Variants in RAB11FIP1 observed in about 807,000 individuals in gnomAD.
The protein encoded by RAB11FIP1 is rab11 family-interacting protein 1.
RAB11FIP1 carries 49 observed loss-of-function variants against 83.1 expected under a neutral mutation model. The ratio of observed to expected loss-of-function variants is 0.59; its 90% confidence interval spans 0.47 to 0.75. The LOEUF (loss-of-function observed/expected upper bound fraction) is 0.75. RAB11FIP1 is among the 30% of genes least tolerant of loss of function. The pLI, the probability that RAB11FIP1 is intolerant of heterozygous loss-of-function variation, is 0.00. For missense variants in RAB11FIP1, 1,536 were observed against 1,598.7 expected (o/e 0.96, Z 0.67); for synonymous variants, 670 against 656.0 (o/e 1.02, Z -0.33).
intron 1 of RAB11FIP1, among the ~76,000 whole-genome samples, chr8:37,884,249 G>C (rs1806781664): frequency 1.3e-5 from 2 of 151,996 alleles, no homozygotes; most frequent in Admixed American, 6.6e-5. Context: ...ATTTTTACTA[G>C]AGACAGGGTT....
Position 37,872,091 on chromosome 8 carries a change from G to A in RAB11FIP1, c.2711C>T (p.Ser904Leu). Residue 904 changes from serine (S) to leucine (L), a missense_variant, in exon 4 of 6, where the codon TCA becomes TTA. Ser to Leu is a moderately radical substitution (Grantham distance 145). Coordinates refer to ENST00000330843, the MANE Select transcript of RAB11FIP1 (RefSeq NM_001002814.3). ...CCTAAAGAGTGGAGTGTCTTTCGCT[G>A]AGCTTGCTTCACTCATGGGGACTTC... ...FSEVPMSEAS[S>L]AKDTPLFRME... is the part of the protein sequence containing the mutation. The A allele has an allele frequency of 1.2e-6, 2 of 1,614,096 alleles. No homozygotes were observed. Among genetic ancestry groups the A allele is most frequent in the South Asian group, 2.2e-5 (2 of 91,078 alleles).
chr8:37,883,710 G>A (rs1434057751), intron 1 of RAB11FIP1, among the ~76,000 whole-genome samples: 1 of 152,182 alleles, frequency 6.6e-6, no homozygotes, highest in Admixed American at 6.5e-5. Flanking sequence ...CCTCACAGAA[G>A]TAGCTCATAA....
intron 1 of RAB11FIP1, among the ~76,000 whole-genome samples, chr8:37,881,425 C>A (rs1406708208): frequency 6.6e-6 from 1 of 152,120 alleles, no homozygotes; most frequent in Admixed American, 6.6e-5. Flanking sequence ...AACATTTAAG[C>A]TTCTCATTTA....
intron 2 of RAB11FIP1, among the ~76,000 whole-genome samples, chr8:37,876,439 T>C (rs942505303): frequency 1.3e-5 from 2 of 150,154 alleles, no homozygotes; most frequent in Non-Finnish European, 3.0e-5. Flanking sequence ...AAAAAAAAAA[T>C]TTTTTTTAAT....
At chr8:37,898,423 G>C (rs1295819695) in intron 1 of RAB11FIP1, among the ~76,000 whole-genome samples, 2 of 152,040 alleles carry the variant, frequency 1.3e-5, no homozygotes, top group Admixed American at 6.5e-5. Flanking sequence ...GGGAGGCCGA[G>C]GTGGGTGGAT....
rs111862292 is a variant in RAB11FIP1, at chr8:37,869,690, T to C, written c.3633+730A>G. Among the ~76,000 whole-genome samples the C allele has an allele frequency of 8.4e-3, 1,281 of 152,270 alleles. 20 individuals are homozygous for C. The highest frequency in any genetic ancestry group is 0.029 in the African/African-American group (1,222 of 41,554). ...TTAAAAGGAACATGAGGTACACAAC[T>C]TACTTCCAAATGATTTTTAAAAAAA... On this transcript the variant is annotated intron_variant, in intron 5 of 5. Transcript: ENST00000330843.
chr8:37,899,032 G>A lies in RAB11FIP1; in HGVS notation c.371+39C>T. 2.1e-6 allele frequency: 3 copies of A among 1,424,946 alleles called. No homozygotes were observed. The highest frequency in any genetic ancestry group is 2.7e-6 in the Non-Finnish European group (3 of 1,098,938). 88.3% of individuals were successfully genotyped at this position (1,424,946 alleles called of 1,614,324 possible). On this transcript the variant is annotated intron_variant, in intron 1 of 5. Transcript: ENST00000330843. This position sits in a 1 kb window ranked among gnomAD's most constrained non-coding sequence, Gnocchi z 4.5. ...AGACCGCCCTGCCGGAGGGGTCCGC[G>A]CCCCCAGGCCGGGCCCTCCCCTCCC...
intron 5 of RAB11FIP1, among the ~76,000 whole-genome samples, 196 bp downstream of exon 5, chr8:37,870,224 C>T (rs1039509350): frequency 6.6e-6 from 1 of 151,926 alleles, no homozygotes; most frequent in African/African-American, 2.4e-5. Flanking sequence ...TTAACAATAA[C>T]TAAACAAGTA....
At position 37,870,541 on chromosome 8, in the gene RAB11FIP1, G is replaced by A. The variant is rs370335641; in HGVS notation, c.3525-13C>T. ...CACAGGATGAAGTCTAAAGAGAAGG[G>A]GAAAAGGATCTTTAGACCCTCCGGT... On this transcript the variant is annotated splice_polypyrimidine_tract_variant and intron_variant, in intron 4 of 5. Transcript: ENST00000330843. 1.4e-6 allele frequency: 2 copies of A among 1,432,470 alleles called. No individual in the cohort carries two copies. The highest frequency in any genetic ancestry group is 3.4e-5 in the Admixed American group (2 of 59,156). The allele number at this position is 1,432,470 out of a possible 1,614,324, so 88.7% of individuals were successfully genotyped here. A position where few individuals can be genotyped will look rare whatever the true frequency, so the allele number is the denominator to read the frequency against.
At chr8:37,864,098 C>T (rs538525803) in intron 5 of RAB11FIP1, among the ~76,000 whole-genome samples, 2 of 152,234 alleles carry the variant, frequency 1.3e-5, no homozygotes, top group South Asian at 2.1e-4. Flanking sequence ...GAGAAATATG[C>T]GGAGTCAGAG....
rs753631134 is a variant in RAB11FIP1, at chr8:37,872,040, G to C, written c.2762C>G (p.Thr921Ser). 1 of 1,614,122 alleles carries C rather than the reference G, an allele frequency of 6.2e-7. No individual in the cohort carries two copies. The highest frequency in any genetic ancestry group is 1.1e-5 in the South Asian group (1 of 91,080). The change falls in exon 4 of 6, where the codon ACT becomes AGT. Residue 921 changes from threonine to serine, a missense_variant. Transcript: ENST00000330843. ...GTCACTGGCTTTGCTCTGATACTGAGTCACAAGGGCATCCTCTCCCTCCAT... is the reference window on the plus strand; with the variant it reads ...GTCACTGGCTTTGCTCTGATACTGACTCACAAGGGCATCCTCTCCCTCCAT... Reference protein sequence around the residue: ...FRMEGEDALVTQYQSKASDHE... With the variant: ...FRMEGEDALVSQYQSKASDHE...
At chr8:37,896,309 CA>C (rs200493654) in intron 1 of RAB11FIP1, among the ~76,000 whole-genome samples, 3,005 of 138,004 alleles carry the variant, frequency 0.022, 84 homozygotes, top group East Asian at 0.061. Flanking sequence ...GACGCCATCT[CA>C]AAAAAAAAAA....
chr8:37,880,180 G>A (rs1188928540), intron 1 of RAB11FIP1, among the ~76,000 whole-genome samples: 1 of 152,030 alleles, frequency 6.6e-6, no homozygotes, highest in Non-Finnish European at 1.5e-5. Context: ...GAGCCAGGTT[G>A]GGTACAGTGG....
chr8:37,873,571 A>C (rs1400420604), intron 3 of RAB11FIP1, among the ~76,000 whole-genome samples: 2 of 151,818 alleles, frequency 1.3e-5, no homozygotes, highest in Non-Finnish European at 2.9e-5. Context: ...GTGCCACTGC[A>C]CTCCAGCCTG....
Position 37,884,280 on chromosome 8 carries a change from G to C in RAB11FIP1, c.372-6729C>G, listed in dbSNP as rs186292206. Among the ~76,000 whole-genome samples, 122 of 152,196 alleles carry C rather than the reference G, an allele frequency of 8.0e-4. 1 individual carries two copies. The highest frequency in any genetic ancestry group is 1.3e-3 in the Admixed American group (20 of 15,270). ...GGGTTTCACCATCTTGGCCAGGCTG[G>C]TATCGAACTCCTGACCTCATGATCC... On this transcript the variant is annotated intron_variant, in intron 1 of 5. Transcript: ENST00000330843.
chr8:37,865,508 C>T (rs1285637681), intron 5 of RAB11FIP1, among the ~76,000 whole-genome samples: 1 of 151,740 alleles, frequency 6.6e-6, no homozygotes, highest in Non-Finnish European at 1.5e-5. Flanking sequence ...TTAGTAGAGA[C>T]AGGGTTCCAC....
Position 37,870,438 on chromosome 8 carries a change from G to A in RAB11FIP1, c.3615C>T (p.Asn1205=), listed in dbSNP as rs1322082434. The change falls in exon 5 of 6, where the codon AAC becomes AAT. Residue 1205 remains asparagine, a synonymous_variant. Coordinates refer to ENST00000330843, the MANE Select transcript of RAB11FIP1 (RefSeq NM_001002814.3). ...GACATACCTTCATCATGACCTCATT[G>A]TTCAAGTTCTCACTGATGATGGTGG... ...GTATIISENL[N]NEVMMKKYSP... is the part of the protein sequence containing the mutation. The A allele has an allele frequency of 6.2e-7, 1 of 1,606,316 alleles. No homozygotes were observed. Among genetic ancestry groups the A allele is most frequent in the South Asian group, 1.1e-5 (1 of 90,868 alleles).
At position 37,884,343 on chromosome 8, in the gene RAB11FIP1, G is replaced by A. The variant is rs748122418; in HGVS notation, c.372-6792C>T. ...CTCCCAAAGTGCTGGGAATACAGGC[G>A]TGAGCTACCACACCCGGCCAACATA... On this transcript the variant is annotated intron_variant, in intron 1 of 5. Transcript: ENST00000330843. 2.4e-4 allele frequency among the ~76,000 whole-genome samples: 36 copies of A among 152,026 alleles called. 1 individual carries two copies. The highest frequency in any genetic ancestry group is 4.9e-4 in the Non-Finnish European group (33 of 67,994).
chr8:37,883,158 G>GT (rs375717011), intron 1 of RAB11FIP1, among the ~76,000 whole-genome samples: 1,987 of 141,262 alleles, frequency 0.014, 19 homozygotes, highest in Admixed American at 0.019. Flanking sequence ...GAATTGTTTC[G>GT]TTTTTTTTTT....
Sources: allele counts gnomAD v4.1 joint callset (sites outside exome capture counted in the v4.1 genomes callset), GRCh38; gene constraint gnomAD v4.1.1; non-coding constraint Gnocchi (gnomAD v3.1); transcripts MANE v1.5; gene names NCBI Gene and HGNC (gene_info 2026-07-23, HGNC 2026-07-21).